RAD54L2: variants seen among roughly 807,000 people sequenced by gnomAD.
RAD54L2 encodes helicase ARIP4.
Under a neutral mutation model 138.4 loss-of-function variants are expected in RAD54L2, and 27 were observed. The ratio of observed to expected loss-of-function variants is 0.20; its 90% CI spans 0.14 to 0.27. The LOEUF is 0.27. Ranked by LOEUF, RAD54L2 falls within the 10% of genes least tolerant of loss-of-function variation. The pLI, the probability that RAD54L2 is intolerant of heterozygous loss-of-function variation, is 1.00. For synonymous variants in RAD54L2, 644 were observed against 723.2 expected (o/e 0.89, Z 1.76); for missense variants, 1,396 against 1,890.2 (o/e 0.74, Z 4.85).
intron 20 of RAD54L2, among the ~76,000 whole-genome samples, chr3:51,656,532 A>G (rs928783665): frequency 1.3e-5 from 2 of 152,110 alleles, no homozygotes; most frequent in African/African-American, 4.8e-5. Context: ...ACAGCTGTCA[A>G]CCTTTGTACA....
chr3:51,622,098 A>G (rs1700579912), intron 3 of RAD54L2, among the ~76,000 whole-genome samples: 1 of 152,170 alleles, frequency 6.6e-6, no homozygotes, highest in African/African-American at 2.4e-5. Flanking sequence ...GAAAACAGGG[A>G]ATTGCTGAAC....
chr3:51,618,713 G>T (rs1402089330), intron 3 of RAD54L2, among the ~76,000 whole-genome samples: 1 of 152,130 alleles, frequency 6.6e-6, no homozygotes, highest in Non-Finnish European at 1.5e-5. Context: ...GTAATGACTT[G>T]GGGGGGTTCT....
chr3:51,650,093 C>T (rs1408818968), intron 19 of RAD54L2, among the ~76,000 whole-genome samples: 4 of 152,086 alleles, frequency 2.6e-5, no homozygotes, highest in Non-Finnish European at 4.4e-5. Flanking sequence ...GGAGGAAGAC[C>T]TGCCAAGCAA....
intron 19 of RAD54L2, among the ~76,000 whole-genome samples, chr3:51,655,623 T>C (rs762158997): frequency 1.3e-5 from 2 of 152,228 alleles, no homozygotes; most frequent in Non-Finnish European, 2.9e-5. Flanking sequence ...TCCTGCCTTA[T>C]TGCATCTTGA....
intron 2 of RAD54L2, among the ~76,000 whole-genome samples, chr3:51,566,232 CT>C (rs1459772849): frequency 2.0e-5 from 3 of 152,068 alleles, no homozygotes; most frequent in African/African-American, 4.8e-5. Flanking sequence ...GTCCCTTTGC[CT>C]TTTTTTCGTC....
intron 20 of RAD54L2, among the ~76,000 whole-genome samples, chr3:51,657,239 A>T (rs1701625670): frequency 6.6e-6 from 1 of 152,216 alleles, no homozygotes; most frequent in Non-Finnish European, 1.5e-5. Flanking sequence ...AGATGCGTGC[A>T]AACAGTTTGG....
chr3:51,616,701 G>A (rs547768202), intron 3 of RAD54L2, among the ~76,000 whole-genome samples: 1 of 152,204 alleles, frequency 6.6e-6, no homozygotes, highest in African/African-American at 2.4e-5. Context: ...GGTGGTAGGC[G>A]CCTGTAATCC....
Position 51,662,685 on chromosome 3 carries a change from G to T in RAD54L2, c.3669G>T (p.Glu1223Asp). ...TTCCCGGGACAGCTCTCGGAACTGA[G>T]CCTCGACTAGGGGGTCATTGCCTCA... ...SAVPGTALGT[E>D]PRLGGHCLNS... The change falls in exon 23 of 23, where the codon GAG becomes GAT. Residue 1223 changes from glutamate to aspartate, a missense_variant. Around this residue, in one of 7 missense-constraint regions of RAD54L2, gnomAD observed 634 missense variants for 711.2 expected, o/e 0.89. Coordinates refer to ENST00000684192, the MANE Select transcript of RAD54L2 (RefSeq NM_015106.4). The surrounding 1 kb of genome is among the most constrained non-coding windows in gnomAD (Gnocchi z 4.6). 1.2e-6 allele frequency: 2 copies of T among 1,613,888 alleles called. No individual in the cohort carries two copies. Among genetic ancestry groups the T allele is most frequent in the Non-Finnish European group, 1.7e-6 (2 of 1,179,868 alleles).
At position 51,665,583 on chromosome 3, in the gene RAD54L2, A is replaced by G. The variant is rs1018646204; in HGVS notation, c.*2163A>G. ...CAATTTAGCTATGCAAATTATTTTA[A>G]TAATTTAAAAATAGCAGTTCCAACC... On this transcript the variant is annotated 3_prime_UTR_variant, in exon 23 of 23. Transcript: ENST00000684192. 6.6e-6 allele frequency: 1 copy of G among 152,238 alleles called. No individual in the cohort carries two copies. 9.4% of individuals were successfully genotyped at this position (152,238 alleles called of 1,614,324 possible).
At chr3:51,606,927 C>T (rs1019863752) in intron 3 of RAD54L2, among the ~76,000 whole-genome samples, 1 of 151,714 alleles carries the variant, frequency 6.6e-6, no homozygotes, top group Non-Finnish European at 1.5e-5. Context: ...GGTGATTCCC[C>T]CACCTTGGCA....
At chr3:51,593,029 G>C (rs569723418) in intron 3 of RAD54L2, among the ~76,000 whole-genome samples, 2 of 152,264 alleles carry the variant, frequency 1.3e-5, no homozygotes, top group African/African-American at 4.8e-5. Flanking sequence ...GAATAATCTA[G>C]TTTTAGTTGG....
intron 3 of RAD54L2, among the ~76,000 whole-genome samples, chr3:51,599,978 G>C (rs964560267): frequency 6.6e-6 from 1 of 151,308 alleles, no homozygotes; most frequent in African/African-American, 2.4e-5. Flanking sequence ...ACCCAGGCTG[G>C]AGTGCAGTGG....
intron 2 of RAD54L2, among the ~76,000 whole-genome samples, chr3:51,563,601 G>A (rs189745706): frequency 1.1e-4 from 16 of 152,272 alleles, no homozygotes; most frequent in Non-Finnish European, 2.2e-4. Context: ...TCCCTCCCCG[G>A]TGTGTTCATC....
At position 51,656,046 on chromosome 3, in the gene RAD54L2, GC is replaced by G; in HGVS notation, c.3106del (p.Arg1036GlyfsTer9). On this transcript the variant is annotated frameshift_variant, in exon 20 of 23. Coordinates refer to ENST00000684192, the MANE Select transcript of RAD54L2 (RefSeq NM_015106.4). LOFTEE classifies it high-confidence loss of function. ...PVQSTPIPMM[P>X]RHVPLGGSVS... Reference sequence around the variant, plus strand: ...TGCAGTCCACCCCCATCCCCATGATGCCCCGGCATGTCCCATTGGGAGGAAG... The same window carrying G: ...TGCAGTCCACCCCCATCCCCATGATGCCCGGCATGTCCCATTGGGAGGAAG... The G allele has an allele frequency of 6.2e-7, 1 of 1,613,976 alleles. No individual in the cohort carries two copies. The highest frequency in any genetic ancestry group is 8.5e-7 in the Non-Finnish European group (1 of 1,179,872).
In RAD54L2 at chr3:51,662,314, T is replaced by C; in HGVS notation, c.3410-112T>C. 1.0e-6 allele frequency: 1 copy of C among 989,944 alleles called. No homozygotes were observed. Among genetic ancestry groups the C allele is most frequent in the Non-Finnish European group, 1.4e-6 (1 of 704,218 alleles). 61.3% of individuals were successfully genotyped at this position (989,944 alleles called of 1,614,324 possible). On this transcript the variant is annotated intron_variant, in intron 22 of 22. Transcript: ENST00000684192. The surrounding 1 kb of genome is among the most constrained non-coding windows in gnomAD (Gnocchi z 4.6). ...GGGTGATGTTGTTCAGACATCAAAC[T>C]ATTAGAATTTTGGGGACTACAGGAC...
At position 51,665,806 on chromosome 3, in the gene RAD54L2, G is replaced by A. The variant is rs1017053377; in HGVS notation, c.*2386G>A. 2 of 152,188 alleles carry A rather than the reference G, an allele frequency of 1.3e-5. No individual in the cohort carries two copies. The highest frequency in any genetic ancestry group is 2.9e-5 in the Non-Finnish European group (2 of 68,062). 9.4% of individuals were successfully genotyped at this position (152,188 alleles called of 1,614,324 possible). A position where few individuals can be genotyped will look rare whatever the true frequency, so the allele number is the denominator to read the frequency against. The stretch of plus-strand genomic sequence containing the variant: ...ATCCCAGAGATGCATGTGTGCATGT[G>A]TATGTCTGTGTGTGTGTGTTGTCGG... On this transcript the variant is annotated 3_prime_UTR_variant, in exon 23 of 23. Coordinates refer to ENST00000684192, the MANE Select transcript of RAD54L2 (RefSeq NM_015106.4).
intron 3 of RAD54L2, among the ~76,000 whole-genome samples, chr3:51,607,759 C>A (rs1700224756): frequency 1.4e-5 from 2 of 147,562 alleles, no homozygotes; most frequent in Admixed American, 6.7e-5. Context: ...GACGGGGTGG[C>A]CGGGCAGAGG....
chr3:51,603,435 G>A (rs550928705), intron 3 of RAD54L2, among the ~76,000 whole-genome samples: 4 of 151,998 alleles, frequency 2.6e-5, no homozygotes, highest in South Asian at 2.1e-4. Flanking sequence ...GTGAAACCCC[G>A]CCTCTACTAA....
chr3:51,592,054 GTTTTTTTTTTTTTTT>G (rs71084151), intron 3 of RAD54L2, among the ~76,000 whole-genome samples: 1 of 66,824 alleles, frequency 1.5e-5, no homozygotes, highest in South Asian at 8.3e-4. Context: ...TGGTTTTGGT[GTTTTTTTTTTTTTTT>G]TTTTTTTTTT....
Sources: gnomAD v4.1 joint callset for allele counts (sites outside exome capture counted in the v4.1 genomes callset) on GRCh38, gnomAD v4.1.1 for gene constraint, gnomAD v4.1.1 regional missense constraint, Gnocchi (gnomAD v3.1) non-coding constraint, MANE v1.5 for transcripts, NCBI Gene and HGNC (gene_info 2026-07-23, HGNC 2026-07-21) for gene names.